KIAA0825: variants seen among roughly 807,000 people sequenced by gnomAD.
KIAA0825 encodes the protein KIAA0825.
In KIAA0825, 119 loss-of-function variants were observed where a neutral mutation model predicts 147.6. That is an observed-to-expected ratio of 0.81 (90% CI 0.69 to 0.94). KIAA0825 has a LOEUF of 0.94. Among genes scored for constraint, KIAA0825 ranks in the 40% least tolerant of loss-of-function variants. The pLI is 0.00. For missense variants in KIAA0825, 1,381 were observed against 1,472.7 expected (o/e 0.94, Z 1.02); for synonymous variants, 470 against 518.1 (o/e 0.91, Z 1.26).
intron 20 of KIAA0825, among the ~76,000 whole-genome samples, chr5:94,346,968 G>C (rs1263824554): frequency 6.6e-6 from 1 of 152,108 alleles, no homozygotes; most frequent in Admixed American, 6.5e-5. Flanking sequence ...GGCTGTTGTC[G>C]GGTCATGATG....
chr5:94,529,337 A>G lies in KIAA0825; in HGVS notation c.132-5239T>C, dbSNP rs185706698. Among the ~76,000 whole-genome samples, 466 of 119,216 alleles carry G rather than the reference A, an allele frequency of 3.9e-3. 3 individuals carry two copies. The highest frequency in any genetic ancestry group is 0.012 in the African/African-American group (400 of 33,278). The allele number at this position is 119,216 out of a possible 152,430, so 78.2% of individuals were successfully genotyped here. A position where few individuals can be genotyped will look rare whatever the true frequency, so the allele number is the denominator to read the frequency against. On this transcript the variant is annotated intron_variant, in intron 3 of 20. Coordinates refer to ENST00000682413, the MANE Select transcript of KIAA0825 (RefSeq NM_001145678.3). ...TCATATATATGTATATATCATATAT[A>G]TGTATATATCATATATGTATATATC...
intron 6 of KIAA0825, among the ~76,000 whole-genome samples, chr5:94,479,896 G>C (rs913090521): frequency 1.3e-5 from 2 of 152,090 alleles, no homozygotes; most frequent in African/African-American, 2.4e-5. Context: ...TTGGTGAGGT[G>C]TCTGTTCAGA....
chr5:94,509,028 G>A (rs1394904594), intron 5 of KIAA0825, among the ~76,000 whole-genome samples: 1 of 152,182 alleles, frequency 6.6e-6, no homozygotes, highest in Non-Finnish European at 1.5e-5. Flanking sequence ...CTGTGACATA[G>A]CTCTGTCTTA....
At chr5:94,335,352 A>T (rs1781697310) in intron 20 of KIAA0825, among the ~76,000 whole-genome samples, 1 of 152,090 alleles carries the variant, frequency 6.6e-6, no homozygotes, top group African/African-American at 2.4e-5. Context: ...TTTCAGTCTA[A>T]TCTTACATTT....
intron 20 of KIAA0825, among the ~76,000 whole-genome samples, chr5:94,368,865 T>C (rs541059239): frequency 2.0e-5 from 3 of 152,266 alleles, no homozygotes; most frequent in East Asian, 3.9e-4. Context: ...ATGAGAGTTA[T>C]TATATTAAAT....
Position 94,152,658 on chromosome 5 carries a change from A to T in KIAA0825, c.*1349T>A, listed in dbSNP as rs552071863. ...GAGACCTCATCTTTACAAAAAAATT[A>T]AAAAAAATTAACCAGGTGTGGTGGC... On this transcript the variant is annotated 3_prime_UTR_variant, in exon 21 of 21. Transcript: ENST00000682413. 5.5e-4 allele frequency among the ~76,000 whole-genome samples: 82 copies of T among 148,634 alleles called. 3 individuals carry two copies. Among genetic ancestry groups the T allele is most frequent in the Admixed American group, 4.4e-3 (65 of 14,870 alleles).
chr5:94,408,515 TTGTGTGTGTG>T (rs3050853), intron 15 of KIAA0825, among the ~76,000 whole-genome samples: 4,862 of 147,262 alleles, frequency 0.033, 237 homozygotes, highest in African/African-American at 0.12. Context: ...CTCAGCTAAT[TTGTGTGTGTG>T]TGTGTGTGTG....
intron 1 of KIAA0825, among the ~76,000 whole-genome samples, chr5:94,603,237 C>A (rs1245287996): frequency 5.3e-5 from 8 of 152,096 alleles, no homozygotes; most frequent in Non-Finnish European, 1.5e-5. Flanking sequence ...TTAGAAGAAA[C>A]CCTGCAAGCC....
intron 20 of KIAA0825, among the ~76,000 whole-genome samples, chr5:94,284,713 C>T (rs1218957463): frequency 6.6e-6 from 1 of 151,744 alleles, no homozygotes; most frequent in African/African-American, 2.4e-5. Flanking sequence ...TTTTCCTTTA[C>T]CCTCTGTTTG....
chr5:94,424,295 C>T (rs1294757302), intron 14 of KIAA0825, among the ~76,000 whole-genome samples: 1 of 152,018 alleles, frequency 6.6e-6, no homozygotes, highest in Non-Finnish European at 1.5e-5. Flanking sequence ...GAAGCCAAAA[C>T]AGGTCTCAAC....
chr5:94,182,991 G>A (rs1191359034), intron 20 of KIAA0825, among the ~76,000 whole-genome samples: 11 of 152,296 alleles, frequency 7.2e-5, no homozygotes, highest in Non-Finnish European at 1.5e-4. Flanking sequence ...TGTCCCAAGA[G>A]GTTGTGTATA....
At position 94,151,178 on chromosome 5, in the gene KIAA0825, G is replaced by A. The variant is rs922055344; in HGVS notation, c.*2829C>T. Among the ~76,000 whole-genome samples the A allele has an allele frequency of 6.6e-6, 1 of 151,818 alleles. No homozygotes were observed. Among genetic ancestry groups the A allele is most frequent in the Non-Finnish European group, 1.5e-5 (1 of 67,974 alleles). On this transcript the variant is annotated 3_prime_UTR_variant, in exon 21 of 21. Transcript: ENST00000682413. ...CACGCCTGTAATCCCAGCACTTTGG[G>A]AGGCCGAGGCGGGTGGATCATGAGG...
chr5:94,395,487 A>G (rs925592470), intron 17 of KIAA0825, among the ~76,000 whole-genome samples: 2 of 152,134 alleles, frequency 1.3e-5, no homozygotes, highest in African/African-American at 4.8e-5. Context: ...ACATATTTCA[A>G]CTCATCAGGG....
At chr5:94,203,579 T>A (rs557230304) in intron 20 of KIAA0825, among the ~76,000 whole-genome samples, 18 of 152,194 alleles carry the variant, frequency 1.2e-4, no homozygotes, top group Non-Finnish European at 2.2e-4. Flanking sequence ...AGTAAAAACA[T>A]CTAGTGGGTG....
intron 20 of KIAA0825, among the ~76,000 whole-genome samples, chr5:94,167,646 G>A (rs531382313): frequency 6.6e-6 from 1 of 152,206 alleles, no homozygotes; most frequent in South Asian, 2.1e-4. Flanking sequence ...TTTTCCTTAA[G>A]TAGGTAAAAG....
chr5:94,441,420 C>A (rs1308189893), intron 13 of KIAA0825, among the ~76,000 whole-genome samples: 1 of 152,170 alleles, frequency 6.6e-6, no homozygotes, highest in African/African-American at 2.4e-5. Flanking sequence ...CTCTTTCCTG[C>A]CTCTGCCTTT....
intron 20 of KIAA0825, among the ~76,000 whole-genome samples, chr5:94,339,114 G>A (rs572786377): frequency 1.3e-5 from 2 of 151,498 alleles, no homozygotes; most frequent in Admixed American, 6.6e-5. Flanking sequence ...GTTTTATACC[G>A]CTCTGCAAAA....
chr5:94,279,794 C>T (rs957412079), intron 20 of KIAA0825, among the ~76,000 whole-genome samples: 12 of 151,988 alleles, frequency 7.9e-5, no homozygotes, highest in Admixed American at 7.9e-4. Context: ...AGGACCACCA[C>T]CTAAACAGAT....
rs1207400486 is a variant in KIAA0825 at position 94,582,549 on chromosome 5, CA to C, written c.-119del. 6.7e-6 allele frequency: 1 copy of C among 150,052 alleles called. No individual in the cohort carries two copies. The highest frequency in any genetic ancestry group is 1.5e-5 in the Non-Finnish European group (1 of 67,446). The allele number at this position is 150,052 out of a possible 1,614,324, so 9.3% of individuals were successfully genotyped here. A position where few individuals can be genotyped will look rare whatever the true frequency, so the allele number is the denominator to read the frequency against. ...ACTGTCTCTTTTCTAGTAACTTCAGCAACGTTTTTTTTTCCCAAAGTATGTA... is the reference window on the plus strand; with the variant it reads ...ACTGTCTCTTTTCTAGTAACTTCAGCACGTTTTTTTTTCCCAAAGTATGTA... On this transcript the variant is annotated 5_prime_UTR_variant, in exon 2 of 21. Coordinates refer to ENST00000682413, the MANE Select transcript of KIAA0825 (RefSeq NM_001145678.3).
Sources: gnomAD v4.1 joint callset for allele counts (sites outside exome capture counted in the v4.1 genomes callset) on GRCh38, gnomAD v4.1.1 for gene constraint, MANE v1.5 for transcripts, NCBI Gene and HGNC (gene_info 2026-07-23, HGNC 2026-07-21) for gene names.